Variants in ADD3 observed in about 807,000 individuals in gnomAD.
ADD3 encodes the protein adducin 3.
In ADD3, 25 loss-of-function variants were observed where a neutral mutation model predicts 80.2. The observed-to-expected ratio is 0.31, with a 90% CI of 0.23 to 0.44. ADD3 has a LOEUF of 0.44. Among genes scored for constraint, ADD3 ranks in the 20% least tolerant of loss-of-function variants. ADD3 has a pLI of 1.00. For synonymous variants in ADD3, 284 were observed against 289.6 expected (o/e 0.98, Z 0.20); for missense variants, 829 against 847.5 (o/e 0.98, Z 0.27).
intron 1 of ADD3, among the ~76,000 whole-genome samples, chr10:110,083,249 T>C (rs1293174375): frequency 1.3e-5 from 2 of 152,166 alleles, no homozygotes; most frequent in Non-Finnish European, 2.9e-5. Context: ...ATTCAAAGTA[T>C]GGACAAATAT....
chr10:110,045,904 T>C (rs1319990170), intron 1 of ADD3, among the ~76,000 whole-genome samples: 1 of 152,222 alleles, frequency 6.6e-6, no homozygotes, highest in African/African-American at 2.4e-5. Flanking sequence ...TAGGACTATT[T>C]ACTTAAAAAG....
intron 1 of ADD3, among the ~76,000 whole-genome samples, chr10:110,092,038 A>T (rs938845811): frequency 1.3e-5 from 2 of 152,166 alleles, no homozygotes; most frequent in African/African-American, 4.8e-5. Flanking sequence ...ACAGGGAGAT[A>T]CCTTCTCATA....
At chr10:110,125,552 GCAT>G (rs1479777393) in intron 10 of ADD3, among the ~76,000 whole-genome samples, 1 of 151,908 alleles carries the variant, frequency 6.6e-6, no homozygotes, top group Non-Finnish European at 1.5e-5. Flanking sequence ...AGTAGTTTCA[GCAT>G]CATATTTTCA....
At chr10:110,009,091 T>A (rs1273854343) in intron 1 of ADD3, among the ~76,000 whole-genome samples, 1 of 152,180 alleles carries the variant, frequency 6.6e-6, no homozygotes, top group Non-Finnish European at 1.5e-5. Context: ...GAGATTTAAT[T>A]GCAAGTAGGT....
intron 1 of ADD3, among the ~76,000 whole-genome samples, chr10:110,012,849 T>C: frequency 6.6e-6 from 1 of 152,020 alleles, no homozygotes; most frequent in Non-Finnish European, 1.5e-5. Context: ...TCCTCCCACC[T>C]CAGCCTCCCA....
intron 2 of ADD3, among the ~76,000 whole-genome samples, chr10:110,107,818 T>G (rs1849565260): frequency 6.6e-6 from 1 of 152,164 alleles, no homozygotes; most frequent in Admixed American, 6.5e-5. Flanking sequence ...AATTATATAT[T>G]TATTGCTAAT....
At chr10:110,044,400 C>T (rs932799576) in intron 1 of ADD3, among the ~76,000 whole-genome samples, 5 of 152,174 alleles carry the variant, frequency 3.3e-5, no homozygotes, top group Admixed American at 3.3e-4. Context: ...GTTTCTAGAA[C>T]TTCATACTTA....
upstream of ADD3, among the ~76,000 whole-genome samples, chr10:110,002,734 C>T (rs539690107): frequency 7.4e-4 from 112 of 151,498 alleles, no homozygotes; most frequent in African/African-American, 2.2e-3. Flanking sequence ...TGAGAACAAA[C>T]ACTTAAAAAA....
chr10:110,023,886 T>C lies in ADD3; in HGVS notation c.-30+15587T>C, dbSNP rs964497122. Reference sequence around the variant, plus strand: ...GCATTTAATTTTAAACTTTTGTGCATTGCATTATCCCAAGCAAATTAACAC... The same window carrying C: ...GCATTTAATTTTAAACTTTTGTGCACTGCATTATCCCAAGCAAATTAACAC... On this transcript the variant is annotated intron_variant, in intron 1 of 14. Coordinates refer to ENST00000356080, the MANE Select transcript of ADD3 (RefSeq NM_016824.5). 5.9e-5 allele frequency among the ~76,000 whole-genome samples: 9 copies of C among 152,300 alleles called. No individual in the cohort carries two copies. In the East Asian group the frequency reaches 1.2e-3, roughly 20 times the overall value.
In ADD3 at chr10:110,112,740, G is replaced by T. The variant is rs1850209122; in HGVS notation, c.196-37G>T. ...GAACAAGTTACTTTTGGGCCATTCA[G>T]TCTTGCTTGCTCAGTCTTTATTTTT... On this transcript the variant is annotated intron_variant, in intron 2 of 14. Transcript: ENST00000356080. 1.9e-6 allele frequency: 3 copies of T among 1,592,452 alleles called. No homozygotes were observed. The East Asian group carries it at 6.7e-5, about 36-fold the overall frequency.
chr10:110,035,752 C>T (rs1272098444), intron 1 of ADD3, among the ~76,000 whole-genome samples: 1 of 150,630 alleles, frequency 6.6e-6, no homozygotes, highest in African/African-American at 2.5e-5. Context: ...CATTCTCACA[C>T]GTTACCAGGT....
At chr10:110,132,947 G>GA (rs1333234619) in intron 14 of ADD3, among the ~76,000 whole-genome samples, 2 of 121,478 alleles carry the variant, frequency 1.6e-5, no homozygotes, top group Non-Finnish European at 3.4e-5. Flanking sequence ...AAAAAAAAAA[G>GA]AATTTGTGGA....
At chr10:110,000,286 G>A (rs1028848407) in intron 1 of ADD3, among the ~76,000 whole-genome samples, 1 of 152,196 alleles carries the variant, frequency 6.6e-6, no homozygotes, top group South Asian at 2.1e-4. Context: ...ACATGCTCAA[G>A]AACTATCTGC....
chr10:110,021,141 G>A (rs984701271), intron 1 of ADD3, among the ~76,000 whole-genome samples: 4 of 152,106 alleles, frequency 2.6e-5, no homozygotes, highest in Admixed American at 1.3e-4. Flanking sequence ...TGCTTTGAAG[G>A]GATTTAATGT....
At chr10:110,027,958 T>A (rs2225363) in intron 1 of ADD3, among the ~76,000 whole-genome samples, 1 of 152,100 alleles carries the variant, frequency 6.6e-6, no homozygotes, top group Non-Finnish European at 1.5e-5. Context: ...GAAAAGGTTG[T>A]GGGGGGAAGA....
intron 1 of ADD3, among the ~76,000 whole-genome samples, chr10:110,053,514 T>C (rs747939879): frequency 6.1e-5 from 9 of 148,308 alleles, no homozygotes; most frequent in Non-Finnish European, 4.4e-5. Context: ...CTATTGTTTT[T>C]CTATGAGTAA....
intron 10 of ADD3, 79 bp downstream of exon 10, chr10:110,124,353 A>G (rs1851878910): frequency 1.4e-6 from 2 of 1,464,190 alleles, no homozygotes; most frequent in Admixed American, 2.1e-5. Context: ...CTATATTGAA[A>G]ATATTTGGAA....
intron 1 of ADD3, among the ~76,000 whole-genome samples, chr10:110,063,916 C>G (rs1360558833): frequency 1.3e-5 from 2 of 151,004 alleles, no homozygotes; most frequent in Non-Finnish European, 3.0e-5. Flanking sequence ...TTGAACATAC[C>G]ATATTCTAAA....
intron 1 of ADD3, chr10:110,079,443 AGAGAGAGAGAGAGAGAGAGTGT>A (rs998948825): frequency 6.9e-5 from 9 of 129,712 alleles, no homozygotes; most frequent in African/African-American, 2.7e-4. Flanking sequence ...AGAGAGAGAG[AGAGAGAGAGAGAGAGAGAGTGT>A]GTGTGTGTGT....
Sources: allele counts gnomAD v4.1 joint callset (sites outside exome capture counted in the v4.1 genomes callset), GRCh38; gene constraint gnomAD v4.1.1; transcripts MANE v1.5; gene names NCBI Gene and HGNC (gene_info 2026-07-23, HGNC 2026-07-21).